The following RBFOX3 variants were observed in gnomAD, a reference collection of about 807,000 sequenced individuals.
RBFOX3 encodes RNA binding fox-1 homolog 3.
RBFOX3 carries 17 observed loss-of-function variants against 48.7 expected under a neutral mutation model. The observed-to-expected ratio is 0.35, with a 90% CI of 0.24 to 0.52. RBFOX3 has a LOEUF of 0.52. RBFOX3 is among the 20% of genes least tolerant of loss of function. RBFOX3 has a pLI of 0.94. For synonymous variants in RBFOX3, 212 were observed against 209.5 expected, an observed-to-expected ratio of 1.01 and a Z score of -0.10; for missense variants, 382 against 497.5, an observed-to-expected ratio of 0.77 and a Z score of 2.21.
chr17:79,647,048 C>T, the RBFOX3 span, among the ~76,000 whole-genome samples: 1 of 123,346 alleles, frequency 8.1e-6, no homozygotes, highest in Non-Finnish European at 1.7e-5. Flanking sequence ...TCCTCTGTGA[C>T]ATTTTCACTG....
At chr17:79,290,499 G>A (rs1202821668) in intron 3 of RBFOX3, among the ~76,000 whole-genome samples, 2 of 152,012 alleles carry the variant, frequency 1.3e-5, no homozygotes, top group Non-Finnish European at 2.9e-5. Context: ...TTCGCCTCAT[G>A]CCTGGTGCCT....
At position 79,208,722 on chromosome 17, in the gene RBFOX3, C is replaced by T. The variant is rs188559284; in HGVS notation, c.-34+27044G>A. ...TGTCTGAAGCCAGAATTATTCTGAC[C>T]GTGTCCCCACGCTTGCTCCTAGGGC... is the stretch of plus-strand genomic sequence containing the variant. On this transcript the variant is annotated intron_variant, in intron 4 of 14. Transcript: ENST00000693108. 1.0e-3 allele frequency among the ~76,000 whole-genome samples: 152 copies of T among 152,260 alleles called. 1 individual carries two copies. The Middle Eastern group carries it at 0.01, about 10-fold the overall frequency.
chr17:79,468,417 A>T (rs1411492616), intron 2 of RBFOX3, among the ~76,000 whole-genome samples: 1 of 152,086 alleles, frequency 6.6e-6, no homozygotes, highest in Admixed American at 6.5e-5. Context: ...AGGTAGGTAG[A>T]CAGATACATA....
chr17:79,174,088 C>T lies in RBFOX3; in HGVS notation c.-33-58340G>A, dbSNP rs958985168. On this transcript the variant is annotated intron_variant, in intron 4 of 14. Transcript: ENST00000693108. ...AGAGGAAAACGGCGAGCGTCTCAGTCCCAAATGGGGAGAACAGGGCCTCTC... is the reference window on the plus strand; with the variant it reads ...AGAGGAAAACGGCGAGCGTCTCAGTTCCAAATGGGGAGAACAGGGCCTCTC... Among the ~76,000 whole-genome samples the T allele has an allele frequency of 2.6e-5, 4 of 152,088 alleles. No individual in the cohort carries two copies. In the South Asian group the frequency reaches 6.2e-4, roughly 24 times the overall value.
At chr17:79,225,368 G>T (rs531171414) in intron 4 of RBFOX3, among the ~76,000 whole-genome samples, 2 of 146,114 alleles carry the variant, frequency 1.4e-5, no homozygotes, top group South Asian at 4.4e-4. Context: ...TGGACTCACC[G>T]CAACCTCCAC....
the RBFOX3 span, among the ~76,000 whole-genome samples, chr17:79,620,083 A>AT: frequency 6.7e-6 from 1 of 148,766 alleles, no homozygotes; most frequent in East Asian, 2.0e-4. Context: ...ACATGCACAC[A>AT]AGCACATGCA....
intron 1 of RBFOX3, among the ~76,000 whole-genome samples, chr17:79,504,452 T>C (rs1295565752): frequency 6.6e-6 from 1 of 152,156 alleles, no homozygotes; most frequent in Non-Finnish European, 1.5e-5. Context: ...CTTCTCTCAC[T>C]GAGGGAGACC....
chr17:79,583,187 A>G (rs2093134586), intron 1 of RBFOX3, among the ~76,000 whole-genome samples: 3 of 152,198 alleles, frequency 2.0e-5, no homozygotes, highest in South Asian at 4.1e-4. Flanking sequence ...TCATCGACAC[A>G]TGACCCTGGC....
rs150465480 is a variant in RBFOX3 at position 79,256,194 on chromosome 17, T to C, written c.-73-20389A>G. ...TCAGCTGTGGAGGTCAAGAGCCTCA[T>C]CACTCCCTCTTAGCTCTGCTCCTTC... On this transcript the variant is annotated intron_variant, in intron 3 of 14. Coordinates refer to ENST00000693108, the MANE Select transcript of RBFOX3 (RefSeq NM_001350451.2). Among the ~76,000 whole-genome samples the C allele has an allele frequency of 4.6e-5, 7 of 152,142 alleles. No individual in the cohort carries two copies. The East Asian group carries it at 1.4e-3, about 30-fold the overall frequency.
At chr17:79,466,328 C>T (rs941908760) in intron 2 of RBFOX3, among the ~76,000 whole-genome samples, 4 of 152,160 alleles carry the variant, frequency 2.6e-5, no homozygotes, top group South Asian at 2.1e-4. Flanking sequence ...GGGCGGGGGG[C>T]GAGCACAGGC....
the RBFOX3 span, among the ~76,000 whole-genome samples, chr17:79,620,652 CAT>C: frequency 3.9e-3 from 10 of 2,568 alleles, no homozygotes; most frequent in Admixed American, 0.038. Flanking sequence ...CACACACGGA[CAT>C]GCACACACGC....
rs911628889 is a variant in RBFOX3 at position 79,103,715 on chromosome 17, C to T, written c.414+358G>A. ...CTGGAAGGGGAGTAGGGCTTGTCTC[C>T]GCCGGACACCCTCCCCAGCCTGCCC... is the stretch of plus-strand genomic sequence containing the variant. On this transcript the variant is annotated intron_variant, in intron 7 of 14. Transcript: ENST00000693108. This position sits in a 1 kb window ranked among gnomAD's most constrained non-coding sequence, Gnocchi z 6.1. 1.3e-5 allele frequency among the ~76,000 whole-genome samples: 2 copies of T among 152,090 alleles called. No homozygotes were observed. The highest frequency in any genetic ancestry group is 1.9e-4 in the East Asian group (1 of 5,172).
the RBFOX3 span, among the ~76,000 whole-genome samples, chr17:79,662,523 C>T: frequency 2.6e-5 from 4 of 152,118 alleles, no homozygotes; most frequent in East Asian, 1.9e-4. Flanking sequence ...AACGGGACCG[C>T]CTTTGTCATG....
intron 2 of RBFOX3, among the ~76,000 whole-genome samples, chr17:79,334,885 A>G (rs1376106089): frequency 1.3e-5 from 2 of 152,216 alleles, no homozygotes; most frequent in African/African-American, 4.8e-5. Flanking sequence ...CAACCAGCCC[A>G]GCCCACCCTG....
At chr17:79,588,830 T>C (rs1276483225) in intron 1 of RBFOX3, among the ~76,000 whole-genome samples, 2 of 147,328 alleles carry the variant, frequency 1.4e-5, no homozygotes, top group Admixed American at 6.7e-5. Flanking sequence ...CTGGGCAATA[T>C]AGCGAGATCC....
chr17:79,541,855 C>T (rs532696915), intron 1 of RBFOX3, among the ~76,000 whole-genome samples: 2 of 152,204 alleles, frequency 1.3e-5, no homozygotes, highest in East Asian at 1.9e-4. Flanking sequence ...AGGGCCCTCA[C>T]GTTTGATGGC....
intron 2 of RBFOX3, among the ~76,000 whole-genome samples, chr17:79,380,163 C>A (rs567097440): frequency 6.6e-6 from 1 of 151,964 alleles, no homozygotes; most frequent in Non-Finnish European, 1.5e-5. Context: ...GTCTGGCTCC[C>A]CCACCTAACA....
At chr17:79,124,764 C>G (rs1010815138) in intron 4 of RBFOX3, among the ~76,000 whole-genome samples, 1 of 152,244 alleles carries the variant, frequency 6.6e-6, no homozygotes, top group Non-Finnish European at 1.5e-5. Flanking sequence ...CTCCATGAAC[C>G]TGGCAGCCTG....
the RBFOX3 span, among the ~76,000 whole-genome samples, chr17:79,646,819 C>G: frequency 6.6e-6 from 1 of 152,210 alleles, no homozygotes; most frequent in African/African-American, 2.4e-5. Flanking sequence ...TCCTGCCAGC[C>G]ACCCTCTGCC....
Sources: gnomAD v4.1 joint callset for allele counts (sites outside exome capture counted in the v4.1 genomes callset) on GRCh38, gnomAD v4.1.1 for gene constraint, Gnocchi (gnomAD v3.1) non-coding constraint, MANE v1.5 for transcripts, NCBI Gene and HGNC (gene_info 2026-07-23, HGNC 2026-07-21) for gene names.